Variants in PPM1B observed in about 807,000 individuals in gnomAD.
The protein encoded by PPM1B is protein phosphatase 1B.
A neutral mutation model predicts 43.0 loss-of-function variants in PPM1B; 22 were observed. The ratio of observed to expected loss-of-function variants is 0.51; its 90% CI spans 0.37 to 0.73. The LOEUF is 0.73. PPM1B is among the 30% of genes least tolerant of loss of function. The pLI, the probability that PPM1B is intolerant of heterozygous loss-of-function variation, is 0.00. For missense variants in PPM1B, 632 were observed against 584.2 expected (o/e 1.08, Z -0.84); for synonymous variants, 217 against 197.9 (o/e 1.10, Z -0.81).
At chr2:44,221,284 T>C (rs553760261) in intron 5 of PPM1B, among the ~76,000 whole-genome samples, 1 of 152,346 alleles carries the variant, frequency 6.6e-6, no homozygotes, top group Non-Finnish European at 1.5e-5. Flanking sequence ...GGAAATATTA[T>C]ATGCCTTTCA....
At position 44,230,990 on chromosome 2, in the gene PPM1B, G is replaced by A; in HGVS notation, c.*272G>A. ...TACCAATTATGAATTAAAGTCAGTA[G>A]TTAAATTAATACTAGATAGAATTAG... On this transcript the variant is annotated 3_prime_UTR_variant, in exon 6 of 6. Transcript: ENST00000282412. 1 of 1,035,038 alleles carries A rather than the reference G, an allele frequency of 9.7e-7. No homozygotes were observed. The allele number at this position is 1,035,038 out of a possible 1,614,324, so 64.1% of individuals were successfully genotyped here. A position where few individuals can be genotyped will look rare whatever the true frequency, so the allele number is the denominator to read the frequency against.
intron 3 of PPM1B, among the ~76,000 whole-genome samples, chr2:44,210,001 G>A (rs1406100799): frequency 6.6e-6 from 1 of 152,032 alleles, no homozygotes; most frequent in African/African-American, 2.4e-5. Flanking sequence ...CTTTCCCTGC[G>A]TACATTCCTA....
At chr2:44,179,339 A>T (rs776197618) in intron 1 of PPM1B, among the ~76,000 whole-genome samples, 1 of 152,244 alleles carries the variant, frequency 6.6e-6, no homozygotes, top group Non-Finnish European at 1.5e-5. Context: ...TTAAATATTT[A>T]AAATCCATTG....
chr2:44,180,991 G>T (rs1254886703), intron 1 of PPM1B, among the ~76,000 whole-genome samples: 3 of 152,012 alleles, frequency 2.0e-5, no homozygotes. Context: ...TTGCTCTTTT[G>T]CCCAGGCTGG....
chr2:44,209,718 A>C (rs1042637203), intron 3 of PPM1B, among the ~76,000 whole-genome samples: 2 of 151,120 alleles, frequency 1.3e-5, no homozygotes, highest in Non-Finnish European at 2.9e-5. Context: ...TGGAGGTTGC[A>C]GTGAGCCGAG....
At chr2:44,239,611 C>G (rs186123383), downstream of PPM1B, among the ~76,000 whole-genome samples, 68 of 152,220 alleles carry the variant, frequency 4.5e-4, no homozygotes, top group Admixed American at 1.1e-3. Context: ...GGAGGCACAT[C>G]TCATGTAAGT....
intron 1 of PPM1B, among the ~76,000 whole-genome samples, chr2:44,199,475 C>T (rs568785668): frequency 2.7e-4 from 41 of 152,088 alleles, no homozygotes; most frequent in Non-Finnish European, 4.7e-4. Context: ...TATCCCCTCA[C>T]CCCCCAAAAA....
At chr2:44,233,661 A>C, downstream of PPM1B, 1 of 985,788 alleles carries the variant, frequency 1.0e-6, no homozygotes, top group Non-Finnish European at 1.2e-6. Context: ...GTCCTTTGTG[A>C]AATGGAATTC....
At chr2:44,174,437 G>A (rs1318827143) in intron 1 of PPM1B, among the ~76,000 whole-genome samples, 4 of 152,202 alleles carry the variant, frequency 2.6e-5, no homozygotes, top group African/African-American at 9.6e-5. Context: ...CTCTAGGATT[G>A]CTGTGATTAT....
chr2:44,204,192 G>A (rs1293873035), intron 2 of PPM1B, among the ~76,000 whole-genome samples: 2 of 152,168 alleles, frequency 1.3e-5, no homozygotes, highest in East Asian at 1.9e-4. Flanking sequence ...ACCTTTGAAA[G>A]TTACTTATGG....
chr2:44,239,460 CT>C, downstream of PPM1B, among the ~76,000 whole-genome samples: 1 of 152,138 alleles, frequency 6.6e-6, no homozygotes, highest in African/African-American at 2.4e-5. Context: ...TTTATGCAGT[CT>C]TGCTATTTGT....
At chr2:44,238,450 C>T (rs1670676673), downstream of PPM1B, among the ~76,000 whole-genome samples, 1 of 151,954 alleles carries the variant, frequency 6.6e-6, no homozygotes, top group Non-Finnish European at 1.5e-5. Context: ...GCCTGTAATC[C>T]CAGCAGTTTG....
intron 1 of PPM1B, among the ~76,000 whole-genome samples, chr2:44,198,486 C>G (rs904083590): frequency 5.9e-5 from 9 of 152,108 alleles, no homozygotes; most frequent in African/African-American, 2.2e-4. Context: ...AAAGGTTTCC[C>G]TGATAATTGT....
chr2:44,186,543 A>C (rs1394583059), intron 1 of PPM1B, among the ~76,000 whole-genome samples: 1 of 151,448 alleles, frequency 6.6e-6, no homozygotes, highest in African/African-American at 2.4e-5. Context: ...TAATTTTTGA[A>C]GTTTTTTTTT....
intron 1 of PPM1B, among the ~76,000 whole-genome samples, chr2:44,189,395 G>C (rs1358182545): frequency 2.0e-5 from 3 of 152,176 alleles, no homozygotes; most frequent in African/African-American, 7.2e-5. Context: ...AACGTACTAT[G>C]AGTTCTCAAA....
At chr2:44,209,179 A>T (rs373041639) in intron 2 of PPM1B, 31 bp from the exon 3 acceptor site, 19 of 1,508,072 alleles carry the variant, frequency 1.3e-5, no homozygotes, top group African/African-American at 5.6e-5. Context: ...TAGAAATACA[A>T]TTTTTTTTCT....
intron 2 of PPM1B, among the ~76,000 whole-genome samples, chr2:44,205,531 G>C (rs1032368603): frequency 6.6e-6 from 1 of 152,060 alleles, no homozygotes; most frequent in African/African-American, 2.4e-5. Context: ...CTCACTTAGG[G>C]AACCACTGCT....
intron 3 of PPM1B, 130 bp from the exon 4 acceptor site, chr2:44,217,832 ATTTTT>A (rs972472715): frequency 2.8e-5 from 13 of 466,798 alleles, no homozygotes; most frequent in African/African-American, 2.6e-4. Context: ...CTTCTTAAAA[ATTTTT>A]TGTGTGTTGA....
downstream of PPM1B, chr2:44,234,051 G>C: frequency 1.0e-6 from 1 of 972,170 alleles, no homozygotes; most frequent in Non-Finnish European, 1.2e-6. Flanking sequence ...ATAAAGAATT[G>C]ATAAAAACAG....
Sources: gnomAD v4.1 joint callset for allele counts (sites outside exome capture counted in the v4.1 genomes callset) on GRCh38, gnomAD v4.1.1 for gene constraint, MANE v1.5 for transcripts, NCBI Gene and HGNC (gene_info 2026-07-23, HGNC 2026-07-21) for gene names.